The following TNN variants were observed in gnomAD, a reference collection of about 807,000 sequenced individuals.
The protein encoded by TNN is tenascin N.
TNN carries 122 observed loss-of-function variants against 134.4 expected under a neutral mutation model. That is an observed-to-expected ratio of 0.91 (90% CI 0.78 to 1.06). The LOEUF (loss-of-function observed/expected upper bound fraction) is 1.06, where lower values mean the gene tolerates loss of function less well. TNN is among the 50% of genes least tolerant of loss of function. The pLI, the probability that TNN is intolerant of heterozygous loss-of-function variation, is 0.00. For synonymous variants in TNN, 710 were observed against 670.3 expected (o/e 1.06, Z -0.91); for missense variants, 1,739 against 1,699.4 (o/e 1.02, Z -0.41).
chr1:175,112,598 C>CTTTTT lies in TNN; in HGVS notation c.2120-4308_2120-4304dup, dbSNP rs767531767. ...TTAAAGATCCATTCAGCCGGCCGAT[C>CTTTTT]TTTTTTTTTTTTTTTTTTTTTTTTT... On this transcript the variant is annotated intron_variant, in intron 9 of 18. Coordinates refer to ENST00000239462, the MANE Select transcript of TNN (RefSeq NM_022093.2). Among the ~76,000 whole-genome samples the CTTTTT allele has an allele frequency of 3.3e-3, 73 of 21,988 alleles. 20 individuals are homozygous for CTTTTT. The highest frequency in any genetic ancestry group is 0.012 in the South Asian group (5 of 414). The allele number at this position is 21,988 out of a possible 152,430, so 14.4% of individuals were successfully genotyped here.
At chr1:175,068,373 T>G (rs1673843361) in intron 1 of TNN, among the ~76,000 whole-genome samples, 1 of 152,226 alleles carries the variant, frequency 6.6e-6, no homozygotes, top group Non-Finnish European at 1.5e-5. Flanking sequence ...TTTTAAATCC[T>G]AAAACAGAAT....
chr1:175,092,501 G>A (rs766553496), intron 6 of TNN, among the ~76,000 whole-genome samples: 1 of 152,170 alleles, frequency 6.6e-6, no homozygotes, highest in Non-Finnish European at 1.5e-5. Flanking sequence ...TATTACTGCT[G>A]CTGGATTTCA....
intron 9 of TNN, among the ~76,000 whole-genome samples, chr1:175,098,887 A>C (rs1462311303): frequency 6.6e-6 from 1 of 152,148 alleles, no homozygotes; most frequent in Admixed American, 6.5e-5. Flanking sequence ...CTTGACAAGG[A>C]GTAAATATTA....
In TNN at chr1:175,108,527, G is replaced by A. The variant is rs185536154; in HGVS notation, c.2120-8412G>A. Among the ~76,000 whole-genome samples, 633 of 152,362 alleles carry A rather than the reference G, an allele frequency of 4.2e-3. 1 individual carries two copies. Among genetic ancestry groups the A allele is most frequent in the Non-Finnish European group, 7.0e-3 (473 of 68,034 alleles). On this transcript the variant is annotated intron_variant, in intron 9 of 18. Transcript: ENST00000239462. ...GCAGGGGATGGTATTCGTTGGGGAG[G>A]CTCGGGCTGCACAGGAACCCACGGA...
At chr1:175,074,029 C>T (rs148837478) in intron 1 of TNN, among the ~76,000 whole-genome samples, 4 of 152,242 alleles carry the variant, frequency 2.6e-5, no homozygotes, top group Non-Finnish European at 5.9e-5. Context: ...ACACTGCAGC[C>T]CCCTTCCTCT....
intron 6 of TNN, among the ~76,000 whole-genome samples, chr1:175,088,814 T>G (rs6696769): frequency 0.55 from 83,365 of 152,060 alleles, 23,452 homozygotes; most frequent in African/African-American, 0.69. Flanking sequence ...CATGGTCCTT[T>G]TCCTTCAGGG....
intron 1 of TNN, 128 bp from the exon 2 acceptor site, chr1:175,077,256 G>T (rs1419668155): frequency 1.3e-6 from 1 of 746,644 alleles, no homozygotes; most frequent in African/African-American, 1.7e-5. Flanking sequence ...TCGGATCCTT[G>T]GGAGAAATAG....
chr1:175,075,747 C>T (rs553688106), intron 1 of TNN, among the ~76,000 whole-genome samples: 12 of 152,192 alleles, frequency 7.9e-5, no homozygotes, highest in Non-Finnish European at 1.3e-4. Context: ...AGAGGGGTGA[C>T]GCGCTGTCAT....
At chr1:175,144,342 G>C (rs536673477) in intron 17 of TNN, 45 bp from the exon 18 acceptor site, 13 of 1,585,644 alleles carry the variant, frequency 8.2e-6, no homozygotes, top group Non-Finnish European at 1.1e-5. Context: ...TCATCTCCTC[G>C]GTGGCTAACC....
chr1:175,127,942 C>A, intron 13 of TNN, 90 bp from the exon 14 acceptor site: 2 of 1,496,572 alleles, frequency 1.3e-6, no homozygotes, highest in Non-Finnish European at 9.3e-7. Flanking sequence ...GAGCTTCTGT[C>A]ATTAGCACCA....
chr1:175,083,961 A>G (rs1301982156), intron 5 of TNN, 26 bp downstream of exon 5: 1 of 1,610,448 alleles, frequency 6.2e-7, no homozygotes, highest in East Asian at 2.2e-5. Context: ...GGAATGTGAG[A>G]TGTATGCTGT....
intron 9 of TNN, among the ~76,000 whole-genome samples, chr1:175,107,446 T>A (rs1286847418): frequency 6.9e-6 from 1 of 144,348 alleles, no homozygotes; most frequent in Non-Finnish European, 1.5e-5. Flanking sequence ...GTGTTACAGC[T>A]CTTAAGGCAG....
chr1:175,082,279 T>C (rs146707577), intron 4 of TNN, among the ~76,000 whole-genome samples: 2 of 152,346 alleles, frequency 1.3e-5, no homozygotes, highest in East Asian at 3.9e-4. Flanking sequence ...TCTCGGGATT[T>C]GTAAAATTCT....
chr1:175,084,248 A>C (rs755581704), intron 5 of TNN, among the ~76,000 whole-genome samples: 2 of 152,192 alleles, frequency 1.3e-5, no homozygotes, highest in Non-Finnish European at 2.9e-5. Context: ...GATGGTGTAT[A>C]GATATTCCTT....
chr1:175,099,005 C>T (rs1376658959), intron 9 of TNN, among the ~76,000 whole-genome samples: 2 of 152,178 alleles, frequency 1.3e-5, no homozygotes, highest in Non-Finnish European at 2.9e-5. Flanking sequence ...GTTTTTGTTC[C>T]TGCCATCTGA....
chr1:175,146,796 C>G, intron 18 of TNN, 135 bp from the exon 19 acceptor site: 1 of 857,440 alleles, frequency 1.2e-6, no homozygotes, highest in South Asian at 3.6e-5. Flanking sequence ...CACCCCGTCT[C>G]TTTCTCTCTC....
At chr1:175,085,294 G>A (rs1276934170) in intron 5 of TNN, 111 bp from the exon 6 acceptor site, 1 of 700,662 alleles carries the variant, frequency 1.4e-6, no homozygotes, top group African/African-American at 1.8e-5. Context: ...CTTTGGAGGA[G>A]GAAGCATCAC....
intron 17 of TNN, among the ~76,000 whole-genome samples, chr1:175,143,912 G>C (rs1290081169): frequency 7.3e-6 from 1 of 136,670 alleles, no homozygotes; most frequent in Non-Finnish European, 1.6e-5. Flanking sequence ...GGCTGTCATG[G>C]GAGCAGAGAC....
At position 175,083,816 on chromosome 1, in the gene TNN, A is replaced by T. The variant is rs749188745; in HGVS notation, c.1115A>T (p.Glu372Val). The T allele has an allele frequency of 1.2e-6, 2 of 1,614,218 alleles. No homozygotes were observed. The highest frequency in any genetic ancestry group is 1.7e-6 in the Non-Finnish European group (2 of 1,180,030). Residue 372 changes from glutamate (E) to valine (V), a missense_variant, in exon 5 of 19, where the codon GAA becomes GTA. Physicochemically the swap from Glu to Val is moderately radical, Grantham distance 121. Coordinates refer to ENST00000239462, the MANE Select transcript of TNN (RefSeq NM_022093.2). ...GAGAACTCCCTTGACGTGGAGTGGG[A>T]AAACCCCTCAACTGAGGTGGACTAC... Reference protein sequence around the residue: ...ETENSLDVEWENPSTEVDYYK... With the variant: ...ETENSLDVEWVNPSTEVDYYK...
Sources: gnomAD v4.1 joint callset for allele counts (sites outside exome capture counted in the v4.1 genomes callset) on GRCh38, gnomAD v4.1.1 for gene constraint, MANE v1.5 for transcripts, NCBI Gene and HGNC (gene_info 2026-07-23, HGNC 2026-07-21) for gene names.